LIMA1: variants seen among roughly 807,000 people sequenced by gnomAD.
LIMA1 encodes the protein LIM domain and actin-binding protein 1.
A neutral mutation model predicts 62.6 loss-of-function variants in LIMA1; 52 were observed. That is an observed-to-expected ratio of 0.83 (90% CI 0.67 to 1.05). LIMA1 has a LOEUF of 1.05. Among genes scored for constraint, LIMA1 ranks in the 50% least tolerant of loss-of-function variants. LIMA1 has a pLI of 0.00. For missense variants in LIMA1, 780 were observed against 902.2 expected, an observed-to-expected ratio of 0.86 and a Z score of 1.74; for synonymous variants, 302 against 317.8, an observed-to-expected ratio of 0.95 and a Z score of 0.53.
At chr12:50,189,528 C>T (rs1294045723) in intron 9 of LIMA1, 1 of 152,132 alleles carries the variant, frequency 6.6e-6, no homozygotes, top group Non-Finnish European at 1.5e-5. Flanking sequence ...GAGAAAGACA[C>T]TAAAGAAGTG....
intron 4 of LIMA1, among the ~76,000 whole-genome samples, chr12:50,208,168 C>A (rs1271310296): frequency 6.6e-6 from 1 of 151,802 alleles, no homozygotes; most frequent in Non-Finnish European, 1.5e-5. Context: ...GGCAGCATGG[C>A]AAAACCTTGT....
chr12:50,201,349 T>C (rs1401143034), intron 6 of LIMA1: 3 of 985,154 alleles, frequency 3.0e-6, no homozygotes, highest in Non-Finnish European at 1.2e-6. Flanking sequence ...AGGGATGATG[T>C]ATACATATAA....
Position 50,225,425 on chromosome 12 carries a change from CT to C in LIMA1, c.166-2941del, listed in dbSNP as rs893727029. Among the ~76,000 whole-genome samples the C allele has an allele frequency of 4.6e-5, 7 of 152,120 alleles. 1 individual carries two copies. Among genetic ancestry groups the C allele is most frequent in the Non-Finnish European group, 8.8e-5 (6 of 68,006 alleles). On this transcript the variant is annotated intron_variant, in intron 3 of 10. Coordinates refer to ENST00000341247, the MANE Select transcript of LIMA1 (RefSeq NM_016357.5). ...ACAGTTTATATGGTATATATGTTGT[CT>C]TTTTTTCTATTTTGTACACTATATG...
chr12:50,238,555 G>A (rs542447351), intron 2 of LIMA1, among the ~76,000 whole-genome samples: 6 of 151,356 alleles, frequency 4.0e-5, no homozygotes, highest in East Asian at 2.0e-4. Flanking sequence ...AAACTTTTGC[G>A]CATCAAAGAA....
intron 4 of LIMA1, chr12:50,217,772 G>A: frequency 3.0e-6 from 1 of 329,702 alleles, no homozygotes; most frequent in Non-Finnish European, 6.1e-6. Context: ...GCTGTGAATG[G>A]CACAACTCAC....
intron 4 of LIMA1, among the ~76,000 whole-genome samples, chr12:50,210,648 C>T (rs1222903316): frequency 2.0e-5 from 3 of 152,164 alleles, no homozygotes; most frequent in African/African-American, 7.2e-5. Flanking sequence ...TCATTTAGAA[C>T]CAGAGCATAC....
chr12:50,235,749 T>C (rs895584433), intron 2 of LIMA1, among the ~76,000 whole-genome samples: 1 of 152,174 alleles, frequency 6.6e-6, no homozygotes, highest in Non-Finnish European at 1.5e-5. Flanking sequence ...TGTGATTCAA[T>C]TGACAAGCTG....
intron 2 of LIMA1, among the ~76,000 whole-genome samples, chr12:50,239,810 A>G (rs1258501180): frequency 6.6e-6 from 1 of 152,042 alleles, no homozygotes; most frequent in Non-Finnish European, 1.5e-5. Context: ...AGCCTAGGCA[A>G]CATGGCGAGA....
intron 3 of LIMA1, among the ~76,000 whole-genome samples, chr12:50,224,946 A>G (rs923811238): frequency 5.7e-5 from 8 of 140,224 alleles, no homozygotes; most frequent in African/African-American, 2.2e-4. Flanking sequence ...CTTGTTGCAC[A>G]GGCTGGAGTG....
chr12:50,222,600 T>G, intron 3 of LIMA1, 115 bp from the exon 4 acceptor site: 1 of 1,550,294 alleles, frequency 6.5e-7, no homozygotes, highest in South Asian at 1.2e-5. Context: ...CACTGCTGTT[T>G]CAGACAGCTG....
At chr12:50,268,747 TTTA>T (rs1340445547) in intron 1 of LIMA1, among the ~76,000 whole-genome samples, 1 of 152,094 alleles carries the variant, frequency 6.6e-6, no homozygotes, top group Non-Finnish European at 1.5e-5. Context: ...TCAGCAAATA[TTTA>T]TTATTCTCAT....
chr12:50,228,401 T>A (rs1941563988), intron 3 of LIMA1, among the ~76,000 whole-genome samples: 1 of 152,224 alleles, frequency 6.6e-6, no homozygotes, highest in Non-Finnish European at 1.5e-5. Context: ...ATGACCTTCA[T>A]GTTGCCAAAT....
intron 4 of LIMA1, 100 bp from the exon 5 acceptor site, chr12:50,206,168 GATTTT>G: frequency 2.4e-6 from 2 of 849,198 alleles, no homozygotes; most frequent in South Asian, 3.5e-5. Context: ...ATCCAGATTT[GATTTT>G]ATATTTTATA....
At chr12:50,230,989 A>AC (rs1240922559) in intron 3 of LIMA1, among the ~76,000 whole-genome samples, 2 of 152,222 alleles carry the variant, frequency 1.3e-5, no homozygotes, top group African/African-American at 4.8e-5. Context: ...ACTAATTTAA[A>AC]TAGGTTAGCT....
chr12:50,270,783 G>T (rs1173456072), intron 1 of LIMA1, among the ~76,000 whole-genome samples: 1 of 151,998 alleles, frequency 6.6e-6, no homozygotes, highest in East Asian at 1.9e-4. Flanking sequence ...ATTTAGACAG[G>T]TAAAAAAGAG....
chr12:50,244,121 C>T (rs1241968203), intron 2 of LIMA1, among the ~76,000 whole-genome samples: 2 of 151,646 alleles, frequency 1.3e-5, no homozygotes, highest in East Asian at 1.9e-4. Context: ...TTTTTTGAGA[C>T]AGAGTCTCGC....
Position 50,253,904 on chromosome 12 carries a change from T to A in LIMA1, c.-23-5130A>T, listed in dbSNP as rs534454633. Among the ~76,000 whole-genome samples, 4 of 151,768 alleles carry A rather than the reference T, an allele frequency of 2.6e-5. No homozygotes were observed. In the East Asian group the frequency reaches 5.8e-4, roughly 22 times the overall value. On this transcript the variant is annotated intron_variant, in intron 1 of 10. Transcript: ENST00000341247. The stretch of plus-strand genomic sequence containing the variant: ...TTAGCCAGGCATGGTGGCAGGCGCC[T>A]GTAATCCCAGCTACTTGGGAGGCTG...
At chr12:50,266,492 A>G (rs114256686) in intron 1 of LIMA1, among the ~76,000 whole-genome samples, 1,613 of 152,304 alleles carry the variant, frequency 0.011, 25 homozygotes, top group African/African-American at 0.035. Flanking sequence ...ATAATATTTC[A>G]TTCTGTAATA....
chr12:50,242,394 C>G (rs987520107), intron 2 of LIMA1, among the ~76,000 whole-genome samples: 1 of 151,402 alleles, frequency 6.6e-6, no homozygotes, highest in African/African-American at 2.4e-5. Context: ...CTCACTCTGT[C>G]ACCCAGGCTG....
Sources: gnomAD v4.1 joint callset for allele counts (sites outside exome capture counted in the v4.1 genomes callset) on GRCh38, gnomAD v4.1.1 for gene constraint, MANE v1.5 for transcripts, NCBI Gene and HGNC (gene_info 2026-07-23, HGNC 2026-07-21) for gene names.